Variants in ANKRD11 observed in about 807,000 individuals in gnomAD.
The protein encoded by ANKRD11 is ankyrin repeat domain-containing protein 11.
In ANKRD11, 17 loss-of-function variants were observed where a neutral mutation model predicts 195.7. That is an observed-to-expected ratio of 0.09 (90% confidence interval 0.06 to 0.13). ANKRD11 has a LOEUF of 0.13. Among genes scored for constraint, ANKRD11 ranks in the 10% least tolerant of loss-of-function variants. ANKRD11 has a pLI of 1.00. For missense variants in ANKRD11, 3,735 were observed against 3,566.1 expected, an observed-to-expected ratio of 1.05 and a Z score of -1.21; for synonymous variants, 1,953 against 1,528.1, an observed-to-expected ratio of 1.28 and a Z score of -6.49.
At chr16:89,337,205 A>G (rs1405088424) in intron 2 of ANKRD11, among the ~76,000 whole-genome samples, 6 of 151,380 alleles carry the variant, frequency 4.0e-5, no homozygotes, top group African/African-American at 1.5e-4. Flanking sequence ...AAAACAAAAA[A>G]CTGCAAATTA....
intron 1 of ANKRD11, among the ~76,000 whole-genome samples, chr16:89,469,631 G>A (rs1244338952): frequency 6.6e-6 from 1 of 151,196 alleles, no homozygotes; most frequent in African/African-American, 2.4e-5. Context: ...AGGCGCGGTG[G>A]CTCACACCTG....
At chr16:89,458,193 T>C (rs1445047094) in intron 1 of ANKRD11, among the ~76,000 whole-genome samples, 1 of 152,184 alleles carries the variant, frequency 6.6e-6, no homozygotes, top group Non-Finnish European at 1.5e-5. Flanking sequence ...CTCCTGTTCT[T>C]GTTGTACTTT....
chr16:89,301,656 T>C (rs2035861854), intron 4 of ANKRD11: 2 of 398,718 alleles, frequency 5.0e-6, no homozygotes, highest in Admixed American at 4.4e-5. Context: ...ACAGAGGTGA[T>C]GCTGTCACAT....
At chr16:89,427,815 C>G (rs1449755602) in intron 1 of ANKRD11, among the ~76,000 whole-genome samples, 2 of 151,410 alleles carry the variant, frequency 1.3e-5, no homozygotes, top group Non-Finnish European at 2.9e-5. Flanking sequence ...GTCTAGTAAT[C>G]GTATGATGCC....
intron 1 of ANKRD11, among the ~76,000 whole-genome samples, chr16:89,425,296 C>T (rs532097436): frequency 7.2e-5 from 11 of 152,230 alleles, no homozygotes; most frequent in African/African-American, 2.6e-4. Flanking sequence ...TGAAACCAGG[C>T]TGGCTGGCTC....
At chr16:89,425,098 TC>T (rs1314076478) in intron 1 of ANKRD11, among the ~76,000 whole-genome samples, 3 of 148,274 alleles carry the variant, frequency 2.0e-5, no homozygotes, top group Non-Finnish European at 4.5e-5. Flanking sequence ...AAAAAAAAAG[TC>T]CAAAAAAGAA....
chr16:89,350,270 G>T (rs1255603206), intron 2 of ANKRD11, among the ~76,000 whole-genome samples: 2 of 152,146 alleles, frequency 1.3e-5, no homozygotes, highest in Admixed American at 1.3e-4. Flanking sequence ...AAAGAGTCTG[G>T]CAGGTTCTTA....
At chr16:89,407,687 A>G (rs1324499038) in intron 2 of ANKRD11, among the ~76,000 whole-genome samples, 1 of 150,844 alleles carries the variant, frequency 6.6e-6, no homozygotes, top group African/African-American at 2.4e-5. Flanking sequence ...ACACACACAT[A>G]GACACACACA....
At chr16:89,368,762 C>A (rs1597807736) in intron 2 of ANKRD11, among the ~76,000 whole-genome samples, 1 of 152,062 alleles carries the variant, frequency 6.6e-6, no homozygotes, top group Admixed American at 6.6e-5. Context: ...AAAAATTAGT[C>A]AGGTGTGGTG....
intron 4 of ANKRD11, among the ~76,000 whole-genome samples, chr16:89,304,400 A>T (rs929431958): frequency 4.0e-5 from 6 of 151,574 alleles, no homozygotes; most frequent in Admixed American, 2.6e-4. Flanking sequence ...ACACATGGGC[A>T]TACACACATG....
At chr16:89,388,517 C>G (rs2041029193) in intron 2 of ANKRD11, among the ~76,000 whole-genome samples, 2 of 151,950 alleles carry the variant, frequency 1.3e-5, no homozygotes, top group Admixed American at 1.3e-4. Context: ...CTGTCGAACG[C>G]ACACACGTCA....
intron 3 of ANKRD11, among the ~76,000 whole-genome samples, chr16:89,309,519 T>C (rs1467827546): frequency 3.3e-5 from 5 of 152,240 alleles, no homozygotes; most frequent in Non-Finnish European, 7.3e-5. Context: ...AAATTTCTTT[T>C]TCGCTTCCCA....
intron 1 of ANKRD11, among the ~76,000 whole-genome samples, chr16:89,443,876 T>C (rs1055149342): frequency 2.0e-5 from 3 of 152,142 alleles, no homozygotes; most frequent in African/African-American, 7.2e-5. Context: ...GGGGCTTGTC[T>C]TGGAGGAAAG....
chr16:89,466,721 T>C (rs1322495665), intron 1 of ANKRD11, among the ~76,000 whole-genome samples: 1 of 152,260 alleles, frequency 6.6e-6, no homozygotes, highest in African/African-American at 2.4e-5. Flanking sequence ...CATTAAAAGC[T>C]GTTGAACTGT....
rs1458214580 is a variant in ANKRD11, at chr16:89,317,087, G to T, written c.-59-9C>A. ...TCATCATCAACCGTCTGCTTCAAAA[G>T]AGAAGACACACAATTCACTGAATTC... On this transcript the variant is annotated splice_polypyrimidine_tract_variant and intron_variant, in intron 2 of 12. Transcript: ENST00000301030. The T allele has an allele frequency of 6.6e-7, 1 of 1,503,876 alleles. No homozygotes were observed. 93.2% of individuals were successfully genotyped at this position (1,503,876 alleles called of 1,614,324 possible). A position where few individuals can be genotyped will look rare whatever the true frequency, so the allele number is the denominator to read the frequency against.
chr16:89,407,072 G>A (rs1022240529), intron 2 of ANKRD11, among the ~76,000 whole-genome samples: 1 of 151,674 alleles, frequency 6.6e-6, no homozygotes, highest in Non-Finnish European at 1.5e-5. Flanking sequence ...TGTAACCCCA[G>A]GTACTCGGGA....
chr16:89,296,405 G>A (rs1043154421), intron 4 of ANKRD11, among the ~76,000 whole-genome samples: 3 of 152,138 alleles, frequency 2.0e-5, no homozygotes, highest in East Asian at 3.8e-4. Context: ...CAGGCTTCCT[G>A]TCTCACTTTC....
intron 2 of ANKRD11, among the ~76,000 whole-genome samples, chr16:89,390,790 T>G (rs1176053351): frequency 1.3e-5 from 2 of 152,198 alleles, no homozygotes; most frequent in African/African-American, 4.8e-5. Flanking sequence ...TGTCTAACTC[T>G]GGGGAGGAGG....
intron 2 of ANKRD11, among the ~76,000 whole-genome samples, chr16:89,359,972 G>T (rs139336512): frequency 2.6e-5 from 4 of 152,004 alleles, no homozygotes; most frequent in Admixed American, 2.0e-4. Flanking sequence ...CAGTGGGCGG[G>T]GGGGGAGGTT....
Sources: gnomAD v4.1 joint callset for allele counts (sites outside exome capture counted in the v4.1 genomes callset) on GRCh38, gnomAD v4.1.1 for gene constraint, MANE v1.5 for transcripts, NCBI Gene and HGNC (gene_info 2026-07-23, HGNC 2026-07-21) for gene names.